SEMA3E: variants seen among roughly 807,000 people sequenced by gnomAD.
SEMA3E encodes semaphorin 3E.
SEMA3E carries 49 observed loss-of-function variants against 93.6 expected under a neutral mutation model. That is an observed-to-expected ratio of 0.52 (90% CI 0.42 to 0.66). SEMA3E has a LOEUF of 0.66. SEMA3E is among the 30% of genes least tolerant of loss of function. The pLI is 0.00. For synonymous variants in SEMA3E, 363 were observed against 330.7 expected (o/e 1.10, Z -1.06); for missense variants, 906 against 964.8 (o/e 0.94, Z 0.81).
rs1235495058 is a variant in SEMA3E at position 83,648,909 on chromosome 7, AAC to A, written c.-369_-368del. 64 of 196,626 alleles carry A rather than the reference AAC, an allele frequency of 3.3e-4. No homozygotes were observed. Among genetic ancestry groups the A allele is most frequent in the African/African-American group, 1.3e-3 (52 of 38,948 alleles). The allele number at this position is 196,626 out of a possible 1,614,324, so 12.2% of individuals were successfully genotyped here. On this transcript the variant is annotated 5_prime_UTR_variant, in exon 1 of 17. Coordinates refer to ENST00000643230, the MANE Select transcript of SEMA3E (RefSeq NM_012431.3). ...AAAAAAAAAAAAAAAGAGAGAAAAAAACAAAACCGAGCACACGCACTCCCTTC... is the reference window on the plus strand; with the variant it reads ...AAAAAAAAAAAAAAAGAGAGAAAAAAAAAACCGAGCACACGCACTCCCTTC...
At chr7:83,550,396 G>T (rs986447037) in intron 1 of SEMA3E, among the ~76,000 whole-genome samples, 3 of 152,024 alleles carry the variant, frequency 2.0e-5, no homozygotes, top group African/African-American at 7.2e-5. Flanking sequence ...TATATAGTAA[G>T]GCATGAACAG....
chr7:83,439,973 G>T (rs1333718701), intron 4 of SEMA3E, among the ~76,000 whole-genome samples: 1 of 152,122 alleles, frequency 6.6e-6, no homozygotes, highest in Non-Finnish European at 1.5e-5. Context: ...TCTAACACCA[G>T]CTTTTCAATT....
Position 83,464,072 on chromosome 7 carries a change from G to A in SEMA3E, c.456+2410C>T, listed in dbSNP as rs1007194992. On this transcript the variant is annotated intron_variant, in intron 4 of 16. Coordinates refer to ENST00000643230, the MANE Select transcript of SEMA3E (RefSeq NM_012431.3). ...ACCTCAATACAGTCTGATAACAGAT[G>A]AGCCTTTATTAGTCAAATCAGCCAA... Among the ~76,000 whole-genome samples, 12 of 152,112 alleles carry A rather than the reference G, an allele frequency of 7.9e-5. 1 individual carries two copies. In the South Asian group the frequency reaches 1.2e-3, roughly 16 times the overall value.
chr7:83,594,696 A>G (rs1337239274), intron 1 of SEMA3E, among the ~76,000 whole-genome samples: 1 of 152,060 alleles, frequency 6.6e-6, no homozygotes, highest in East Asian at 1.9e-4. Flanking sequence ...ACTTTCTAGT[A>G]TCCGTTTCCC....
chr7:83,402,403 T>C (rs1444756577), intron 10 of SEMA3E, among the ~76,000 whole-genome samples: 1 of 151,692 alleles, frequency 6.6e-6, no homozygotes, highest in Non-Finnish European at 1.5e-5. Flanking sequence ...TAGTACATAT[T>C]TTATAATACT....
intron 1 of SEMA3E, among the ~76,000 whole-genome samples, chr7:83,582,816 A>T (rs983448421): frequency 6.6e-6 from 1 of 152,094 alleles, no homozygotes; most frequent in Non-Finnish European, 1.5e-5. Context: ...ATATACACAT[A>T]TACAAACACA....
chr7:83,478,194 A>G (rs1400319664), intron 2 of SEMA3E, among the ~76,000 whole-genome samples: 1 of 152,192 alleles, frequency 6.6e-6, no homozygotes, highest in Non-Finnish European at 1.5e-5. Flanking sequence ...AAGTGGTGGA[A>G]TTACAGGCGT....
intron 4 of SEMA3E, among the ~76,000 whole-genome samples, chr7:83,427,656 G>A (rs191300196): frequency 6.6e-5 from 10 of 152,184 alleles, no homozygotes; most frequent in Non-Finnish European, 1.0e-4. Flanking sequence ...GTTCATTGTG[G>A]TCTTAAACGC....
chr7:83,626,000 G>T (rs1793661742), intron 1 of SEMA3E, among the ~76,000 whole-genome samples: 1 of 151,870 alleles, frequency 6.6e-6, no homozygotes, highest in South Asian at 2.1e-4. Context: ...TTATGCGATA[G>T]ATCACATTTA....
chr7:83,505,549 G>A (rs1357446545), intron 1 of SEMA3E, among the ~76,000 whole-genome samples: 10 of 152,080 alleles, frequency 6.6e-5, no homozygotes. Context: ...GAGCACCAAG[G>A]TTTCTCTCAC....
chr7:83,367,466 G>T lies in SEMA3E; in HGVS notation c.*120C>A. The T allele has an allele frequency of 1.0e-6, 1 of 996,052 alleles. No homozygotes were observed. The highest frequency in any genetic ancestry group is 1.6e-6 in the Non-Finnish European group (1 of 625,652). The allele number at this position is 996,052 out of a possible 1,614,324, so 61.7% of individuals were successfully genotyped here. On this transcript the variant is annotated 3_prime_UTR_variant, in exon 17 of 17. Coordinates refer to ENST00000643230, the MANE Select transcript of SEMA3E (RefSeq NM_012431.3). ...AATAATTTATTATAACACCTTCATA[G>T]TCATTCCTGTATTACAGAAATCTCT... is the stretch of plus-strand genomic sequence containing the variant.
intron 1 of SEMA3E, among the ~76,000 whole-genome samples, chr7:83,526,461 G>A (rs1791161823): frequency 6.6e-6 from 1 of 152,032 alleles, no homozygotes; most frequent in African/African-American, 2.4e-5. Context: ...GAAGATCTGG[G>A]GTTCCAACTG....
At chr7:83,402,504 T>C in intron 10 of SEMA3E, 128 bp downstream of exon 10, 3 of 791,374 alleles carry the variant, frequency 3.8e-6, no homozygotes, top group Non-Finnish European at 6.2e-6. Context: ...CATATACTTT[T>C]CACCAAGCAT....
Position 83,477,989 on chromosome 7 carries a change from C to T in SEMA3E, c.277-8687G>A, listed in dbSNP as rs183744579. 1.9e-3 allele frequency among the ~76,000 whole-genome samples: 281 copies of T among 151,770 alleles called. 1 individual carries two copies. The highest frequency in any genetic ancestry group is 6.2e-3 in the African/African-American group (258 of 41,380). On this transcript the variant is annotated intron_variant, in intron 2 of 16. Coordinates refer to ENST00000643230, the MANE Select transcript of SEMA3E (RefSeq NM_012431.3). Reference sequence around the variant, plus strand: ...AGGCTGGAGTGCAATGGCACAATCTCGGCTCACTGCAACCTCCACCTCCCA... The same window carrying T: ...AGGCTGGAGTGCAATGGCACAATCTTGGCTCACTGCAACCTCCACCTCCCA...
chr7:83,477,089 G>A (rs915235511), intron 2 of SEMA3E, among the ~76,000 whole-genome samples: 7 of 152,022 alleles, frequency 4.6e-5, no homozygotes, highest in South Asian at 2.1e-4. Context: ...GTTACAAGAC[G>A]TTATGACACT....
chr7:83,585,284 T>C (rs940123342), intron 1 of SEMA3E, among the ~76,000 whole-genome samples: 5 of 152,184 alleles, frequency 3.3e-5, no homozygotes, highest in Non-Finnish European at 7.3e-5. Flanking sequence ...TAACACTCAC[T>C]AAAATTAGCA....
chr7:83,452,261 G>A (rs758762865), intron 4 of SEMA3E, among the ~76,000 whole-genome samples: 2 of 152,076 alleles, frequency 1.3e-5, no homozygotes, highest in African/African-American at 2.4e-5. Context: ...GGGCAAAGAT[G>A]GCTTTGGAGC....
chr7:83,551,415 G>C (rs1791762174), intron 1 of SEMA3E, among the ~76,000 whole-genome samples: 1 of 152,112 alleles, frequency 6.6e-6, no homozygotes, highest in East Asian at 1.9e-4. Flanking sequence ...CTATTATAAA[G>C]TACCAAACCA....
At chr7:83,370,405 T>C (rs977951367) in intron 16 of SEMA3E, among the ~76,000 whole-genome samples, 1 of 152,188 alleles carries the variant, frequency 6.6e-6, no homozygotes, top group African/African-American at 2.4e-5. Context: ...TCTCATTATA[T>C]GCTATCACAA....
Sources: allele counts gnomAD v4.1 joint callset (sites outside exome capture counted in the v4.1 genomes callset), GRCh38; gene constraint gnomAD v4.1.1; transcripts MANE v1.5; gene names NCBI Gene and HGNC (gene_info 2026-07-23, HGNC 2026-07-21).